BOLL: variants seen among roughly 807,000 people sequenced by gnomAD.
BOLL encodes the protein protein boule-like.
A neutral mutation model predicts 44.4 loss-of-function variants in BOLL; 23 were observed. The observed-to-expected ratio is 0.52, with a 90% CI of 0.37 to 0.73. The LOEUF (loss-of-function observed/expected upper bound fraction) is 0.73. BOLL is among the 30% of genes least tolerant of loss of function. BOLL has a pLI of 0.00. For missense variants in BOLL, 287 were observed against 338.3 expected (o/e 0.85, Z 1.19); for synonymous variants, 97 against 110.8 (o/e 0.88, Z 0.78).
At chr2:197,773,561 C>G (rs1558994402) in intron 5 of BOLL, among the ~76,000 whole-genome samples, 1 of 151,828 alleles carries the variant, frequency 6.6e-6, no homozygotes, top group Non-Finnish European at 1.5e-5. Context: ...AAATTTCTCT[C>G]TATATACATA....
rs147983402 is a variant in BOLL at position 197,756,586 on chromosome 2, A to C, written c.601-30T>G. On this transcript the variant is annotated intron_variant, in intron 8 of 10. Coordinates refer to ENST00000392296, the MANE Select transcript of BOLL (RefSeq NM_033030.6). Reference sequence around the variant, plus strand: ...AATACAAAACCATATTTCTAATTCAAATATGATTAGTTATTTCTGTTAAAC... The same window carrying C: ...AATACAAAACCATATTTCTAATTCACATATGATTAGTTATTTCTGTTAAAC... 5.6e-5 allele frequency: 88 copies of C among 1,558,132 alleles called. No individual in the cohort carries two copies. In the African/African-American group the frequency reaches 1.1e-3, roughly 20 times the overall value.
chr2:197,741,924 A>G (rs1228357760), intron 10 of BOLL, among the ~76,000 whole-genome samples: 2 of 152,188 alleles, frequency 1.3e-5, no homozygotes, highest in Non-Finnish European at 2.9e-5. Flanking sequence ...CTGACAAAGG[A>G]TATCTCTAAT....
intron 10 of BOLL, 30 bp downstream of exon 10, chr2:197,743,031 C>T (rs781664870): frequency 6.7e-7 from 1 of 1,491,214 alleles, no homozygotes; most frequent in Non-Finnish European, 9.1e-7. Context: ...GGAAGAAAAA[C>T]AAAGTAAAAA....
chr2:197,771,983 C>A lies in BOLL; in HGVS notation c.353-1G>T. On this transcript the variant is annotated splice_acceptor_variant, in intron 5 of 10. Transcript: ENST00000392296. LOFTEE classifies it high-confidence loss of function. The stretch of plus-strand genomic sequence containing the variant: ...CCAGCTGCTGGCATTATACTAGAAC[C>A]TAAAGCAAAGATTAAATAATAATAA... The A allele has an allele frequency of 6.4e-7, 1 of 1,558,014 alleles. No individual in the cohort carries two copies. Among genetic ancestry groups the A allele is most frequent in the South Asian group, 1.2e-5 (1 of 81,874 alleles).
intron 9 of BOLL, among the ~76,000 whole-genome samples, chr2:197,750,299 T>C (rs1248691342): frequency 6.6e-6 from 1 of 152,130 alleles, no homozygotes; most frequent in Non-Finnish European, 1.5e-5. Context: ...CATAACAATA[T>C]TAACTTAAAA....
chr2:197,755,137 A>G (rs1688451147), intron 9 of BOLL, among the ~76,000 whole-genome samples: 1 of 152,258 alleles, frequency 6.6e-6, no homozygotes, highest in Non-Finnish European at 1.5e-5. Flanking sequence ...GCCAACAAAC[A>G]TAAAAAAAGC....
chr2:197,751,180 C>T (rs1463766616), intron 9 of BOLL, among the ~76,000 whole-genome samples: 1 of 151,988 alleles, frequency 6.6e-6, no homozygotes, highest in African/African-American at 2.4e-5. Flanking sequence ...CACTAAATGC[C>T]CACAGAAGAA....
rs1268714307 is a variant in BOLL at position 197,729,925 on chromosome 2, C to T, written c.829-1347G>A. Among the ~76,000 whole-genome samples, 9 of 152,262 alleles carry T rather than the reference C, an allele frequency of 5.9e-5. No individual in the cohort carries two copies. The South Asian group carries it at 1.0e-3, about 18-fold the overall frequency. On this transcript the variant is annotated intron_variant, in intron 10 of 10. Coordinates refer to ENST00000392296, the MANE Select transcript of BOLL (RefSeq NM_033030.6). The stretch of plus-strand genomic sequence containing the variant: ...GAGTGTCTCTCCTCCTCCAAAGGAA[C>T]GCAGTTCCTCACCAGCAACAGAACA...
At chr2:197,750,474 A>C (rs1347225970) in intron 9 of BOLL, among the ~76,000 whole-genome samples, 1 of 152,016 alleles carries the variant, frequency 6.6e-6, no homozygotes, top group Non-Finnish European at 1.5e-5. Context: ...AATGGAAAGC[A>C]AAAAAAAGCA....
chr2:197,781,951 A>C, intron 1 of BOLL, 86 bp from the exon 2 acceptor site: 1 of 1,266,026 alleles, frequency 7.9e-7, no homozygotes, highest in Non-Finnish European at 1.0e-6. Context: ...TATTTTTCAA[A>C]AAGAAGAGTC....
At chr2:197,774,492 A>G in intron 5 of BOLL, 1 of 152,152 alleles carries the variant, frequency 6.6e-6, no homozygotes, top group East Asian at 1.9e-4. Flanking sequence ...TTAAATGAAA[A>G]CTCATAACAT....
intron 9 of BOLL, among the ~76,000 whole-genome samples, chr2:197,750,141 A>G (rs929784738): frequency 2.0e-5 from 3 of 152,210 alleles, no homozygotes; most frequent in Admixed American, 6.5e-5. Flanking sequence ...AGAATTCCTG[A>G]AGGAAGTACT....
At chr2:197,764,988 G>A (rs954396526) in intron 7 of BOLL, among the ~76,000 whole-genome samples, 5 of 151,956 alleles carry the variant, frequency 3.3e-5, no homozygotes, top group Non-Finnish European at 5.9e-5. Flanking sequence ...TCTCATAGAA[G>A]TAAAAAGAAT....
intron 1 of BOLL, among the ~76,000 whole-genome samples, chr2:197,782,603 C>T (rs1245530704): frequency 6.6e-6 from 1 of 152,166 alleles, no homozygotes; most frequent in Non-Finnish European, 1.5e-5. Context: ...CAACAGAAGC[C>T]TATATCCTGT....
chr2:197,754,499 G>GGAGCTCGA (rs1369376835), intron 9 of BOLL, among the ~76,000 whole-genome samples: 1 of 152,084 alleles, frequency 6.6e-6, no homozygotes, highest in Non-Finnish European at 1.5e-5. Context: ...CATGAGGTCA[G>GGAGCTCGA]GAGCTCGAGA....
At chr2:197,784,393 TATATATATATATATATA>T (rs1180392144) in intron 1 of BOLL, among the ~76,000 whole-genome samples, 1 of 196 alleles carries the variant, frequency 5.1e-3, no homozygotes, top group Non-Finnish European at 0.056. Context: ...GTCTAATACA[TATATATATATATATATA>T]TATATATATA....
At chr2:197,784,646 T>C (rs1435333402) in intron 1 of BOLL, 1 of 864,378 alleles carries the variant, frequency 1.2e-6, no homozygotes, top group Admixed American at 6.1e-5. Context: ...GCCAGGATGG[T>C]CTCGATCTCC....
intron 6 of BOLL, 37 bp from the exon 7 acceptor site, chr2:197,766,640 C>A (rs771299549): frequency 5.5e-6 from 8 of 1,457,606 alleles, no homozygotes; most frequent in Admixed American, 1.7e-5. Flanking sequence ...TAGGCAGAAG[C>A]CTTTAAAATA....
chr2:197,755,493 C>T (rs560121411), intron 9 of BOLL, among the ~76,000 whole-genome samples: 1 of 152,254 alleles, frequency 6.6e-6, no homozygotes, highest in South Asian at 2.1e-4. Context: ...GGAATCAACA[C>T]AAATGCTCAT....
Sources: allele counts gnomAD v4.1 joint callset (sites outside exome capture counted in the v4.1 genomes callset), GRCh38; gene constraint gnomAD v4.1.1; transcripts MANE v1.5; gene names NCBI Gene and HGNC (gene_info 2026-07-23, HGNC 2026-07-21).